Variants in NEK11 observed in about 807,000 individuals in gnomAD.
NEK11 encodes serine/threonine-protein kinase Nek11.
NEK11 carries 72 observed loss-of-function variants against 80.7 expected under a neutral mutation model. The ratio of observed to expected loss-of-function variants is 0.89; its 90% CI spans 0.74 to 1.08. The LOEUF (loss-of-function observed/expected upper bound fraction) is 1.08, where lower values mean the gene tolerates loss of function less well. NEK11 is among the 50% of genes least tolerant of loss of function. NEK11 has a pLI of 0.00. For synonymous variants in NEK11, 251 were observed against 260.7 expected, an observed-to-expected ratio of 0.96 and a Z score of 0.36; for missense variants, 764 against 763.6, an observed-to-expected ratio of 1.00 and a Z score of -0.01.
intron 3 of NEK11, chr3:131,054,638 T>C (rs1396951952): frequency 6.6e-6 from 1 of 151,730 alleles, no homozygotes; most frequent in Non-Finnish European, 1.5e-5. Context: ...ATGCCTGTAG[T>C]CCCAGCTGCT....
chr3:131,118,685 C>T (rs1348111782), intron 5 of NEK11, among the ~76,000 whole-genome samples: 7 of 152,122 alleles, frequency 4.6e-5, no homozygotes, highest in Admixed American at 1.3e-4. Flanking sequence ...TCAACTTCTT[C>T]CTGGTTTAGT....
chr3:131,091,006 A>T (rs2076660863), intron 4 of NEK11, among the ~76,000 whole-genome samples: 1 of 152,188 alleles, frequency 6.6e-6, no homozygotes, highest in African/African-American at 2.4e-5. Flanking sequence ...TTAAGTGATC[A>T]TCCTACCTCA....
intron 3 of NEK11, among the ~76,000 whole-genome samples, chr3:131,068,698 A>G (rs1031244842): frequency 4.6e-5 from 7 of 152,192 alleles, no homozygotes; most frequent in Admixed American, 1.3e-4. Context: ...TTACAAATCA[A>G]TGACTAAATC....
At chr3:131,174,984 C>G (rs2092923665) in intron 14 of NEK11, 1 of 1,375,318 alleles carries the variant, frequency 7.3e-7, no homozygotes, top group African/African-American at 1.5e-5. Context: ...GCCCAATGCT[C>G]AGAGATAGCT....
intron 16 of NEK11, among the ~76,000 whole-genome samples, chr3:131,249,003 C>T (rs1189219336): frequency 2.0e-5 from 3 of 150,926 alleles, no homozygotes. Context: ...CCTTTCTAGG[C>T]TGGGTGTTTT....
intron 16 of NEK11, among the ~76,000 whole-genome samples, chr3:131,256,001 A>C (rs1033820987): frequency 6.6e-6 from 1 of 152,196 alleles, no homozygotes; most frequent in Non-Finnish European, 1.5e-5. Context: ...TGTCCAATTC[A>C]TAAATCATTC....
intron 3 of NEK11, among the ~76,000 whole-genome samples, chr3:131,033,064 A>G (rs1206414323): frequency 6.6e-6 from 1 of 152,174 alleles, no homozygotes; most frequent in Non-Finnish European, 1.5e-5. Flanking sequence ...TTCTGTTGTC[A>G]TCTTTTATAT....
chr3:131,319,495 T>C (rs900302075), intron 17 of NEK11, among the ~76,000 whole-genome samples: 3 of 152,146 alleles, frequency 2.0e-5, no homozygotes, highest in Non-Finnish European at 4.4e-5. Context: ...GCTTATAGTA[T>C]GATTGTAATA....
At chr3:131,257,014 T>C (rs560310015) in intron 16 of NEK11, among the ~76,000 whole-genome samples, 3 of 152,210 alleles carry the variant, frequency 2.0e-5, no homozygotes, top group African/African-American at 7.2e-5. Flanking sequence ...AGACAGGGTC[T>C]CACTCTATTG....
chr3:131,161,483 C>T (rs1417572487), intron 10 of NEK11, among the ~76,000 whole-genome samples: 9 of 152,124 alleles, frequency 5.9e-5, no homozygotes, highest in Non-Finnish European at 1.5e-5. Context: ...ACATTTACAC[C>T]ATGGGATACT....
rs746632077 is a variant in NEK11, at chr3:131,155,039, C to T, written c.880C>T (p.Leu294=). Reference sequence around the variant, plus strand: ...TCAGGGTTGATCTTTTTTTCAGAACCTAATGTGTAGATATTCAGAAATGAC... The same window carrying T: ...TCAGGGTTGATCTTTTTTTCAGAACTTAATGTGTAGATATTCAGAAATGAC... ...IPYLDEQLQN[L]MCRYSEMTLE... Residue 294 remains leucine, a synonymous_variant, in exon 10 of 18, where the codon CTA becomes TTA. Transcript: ENST00000383366. The T allele has an allele frequency of 1.5e-5, 24 of 1,594,990 alleles. No homozygotes were observed. Among genetic ancestry groups the T allele is most frequent in the Middle Eastern group, 3.3e-4 (2 of 6,026 alleles).
intron 15 of NEK11, among the ~76,000 whole-genome samples, chr3:131,230,818 C>T (rs2095314775): frequency 6.6e-6 from 1 of 152,150 alleles, no homozygotes; most frequent in African/African-American, 2.4e-5. Flanking sequence ...TGAATTGTAG[C>T]TCCCATAATT....
chr3:131,338,264 TG>T (rs377714539), intron 17 of NEK11, among the ~76,000 whole-genome samples: 7,082 of 118,352 alleles, frequency 0.06, 1,841 homozygotes, highest in African/African-American at 0.15. Context: ...GGCGCCCAGC[TG>T]GTTTTTTTTT....
chr3:131,066,750 G>A (rs960169500), intron 3 of NEK11, among the ~76,000 whole-genome samples: 6 of 151,380 alleles, frequency 4.0e-5, no homozygotes, highest in Non-Finnish European at 4.4e-5. Context: ...GCTGAGGCAG[G>A]AGAATCACTT....
intron 17 of NEK11, among the ~76,000 whole-genome samples, chr3:131,344,179 T>C (rs2097328138): frequency 6.6e-6 from 1 of 152,204 alleles, no homozygotes; most frequent in South Asian, 2.1e-4. Flanking sequence ...CTTGAAGGCT[T>C]TGCTGCTTAG....
At chr3:131,181,732 C>T (rs1251358187) in intron 14 of NEK11, among the ~76,000 whole-genome samples, 6 of 112,374 alleles carry the variant, frequency 5.3e-5, no homozygotes, top group African/African-American at 7.3e-5. Context: ...GGCGACAGAG[C>T]GAGACTCCGC....
chr3:131,243,477 C>A lies in NEK11; in HGVS notation c.1602C>A (p.Val534=), dbSNP rs1241864236. The change falls in exon 16 of 18, where the codon GTC becomes GTA. Residue 534 remains valine (V), a synonymous_variant. Coordinates refer to ENST00000383366, the MANE Select transcript of NEK11 (RefSeq NM_024800.5). ...CGTTGGCCAGGTGTTTGGAAAATGT[C>A]CTGGGTTGCACTTCTCTAGGTGAGT... ...IEALARCLEN[V]LGCTSLDTKT... is the part of the protein sequence containing the mutation. The A allele has an allele frequency of 6.2e-7, 1 of 1,612,754 alleles. No individual in the cohort carries two copies. Among genetic ancestry groups the A allele is most frequent in the Admixed American group, 1.7e-5 (1 of 59,874 alleles).
At chr3:131,337,852 T>C (rs2097213423) in intron 17 of NEK11, among the ~76,000 whole-genome samples, 1 of 152,190 alleles carries the variant, frequency 6.6e-6, no homozygotes, top group African/African-American at 2.4e-5. Context: ...TGCCTCAGTT[T>C]CTTCAACTGT....
At chr3:131,198,356 C>A (rs2094107257) in intron 14 of NEK11, among the ~76,000 whole-genome samples, 1 of 152,218 alleles carries the variant, frequency 6.6e-6, no homozygotes, top group Non-Finnish European at 1.5e-5. Context: ...CAGTTACATT[C>A]TATCTTTTCT....
Sources: allele counts gnomAD v4.1 joint callset (sites outside exome capture counted in the v4.1 genomes callset), GRCh38; gene constraint gnomAD v4.1.1; transcripts MANE v1.5; gene names NCBI Gene and HGNC (gene_info 2026-07-23, HGNC 2026-07-21).